The following NEK5 variants were observed in gnomAD, a reference collection of about 807,000 sequenced individuals.
NEK5 encodes serine/threonine-protein kinase Nek5.
Under a neutral mutation model 109.2 loss-of-function variants are expected in NEK5, and 88 were observed. The observed-to-expected ratio is 0.81, with a 90% CI of 0.68 to 0.96. The LOEUF is 0.96. Among genes scored for constraint, NEK5 ranks in the 40% least tolerant of loss-of-function variants. NEK5 has a pLI of 0.00. For synonymous variants in NEK5, 283 were observed against 299.9 expected, an observed-to-expected ratio of 0.94 and a Z score of 0.58; for missense variants, 834 against 920.7, an observed-to-expected ratio of 0.91 and a Z score of 1.22.
chr13:52,087,200 T>C (rs1955164760), intron 15 of NEK5, 138 bp downstream of exon 15: 2 of 501,000 alleles, frequency 4.0e-6, no homozygotes, highest in East Asian at 5.9e-5. Context: ...TACCTAACTC[T>C]GTATCCCCTA....
intron 20 of NEK5, among the ~76,000 whole-genome samples, chr13:52,067,812 C>A (rs1460833452): frequency 6.6e-6 from 1 of 151,952 alleles, no homozygotes; most frequent in Non-Finnish European, 1.5e-5. Context: ...GTGGCTCAGC[C>A]TCCCAAGTAG....
intron 23 of NEK5, among the ~76,000 whole-genome samples, chr13:52,041,304 ATT>A (rs1481458235): frequency 6.6e-6 from 1 of 152,210 alleles, no homozygotes; most frequent in Non-Finnish European, 1.5e-5. Context: ...AAGCATTTAA[ATT>A]TTTTAATTAT....
intron 19 of NEK5, among the ~76,000 whole-genome samples, chr13:52,073,379 G>A (rs1372108657): frequency 6.6e-6 from 1 of 150,414 alleles, no homozygotes. Context: ...GCAGTACAGT[G>A]ATCTCAGCTC....
chr13:52,037,928 A>G (rs1393041364), intron 23 of NEK5, among the ~76,000 whole-genome samples: 2 of 151,664 alleles, frequency 1.3e-5, no homozygotes, highest in Non-Finnish European at 2.9e-5. Context: ...GTCTCAAAAA[A>G]AAAAAATGTG....
chr13:52,063,198 G>A (rs958337351), intron 21 of NEK5, among the ~76,000 whole-genome samples: 1 of 152,170 alleles, frequency 6.6e-6, no homozygotes, highest in East Asian at 1.9e-4. Context: ...TCAGCCTGCC[G>A]AGTGCCCGTG....
chr13:52,045,092 G>A (rs1028483096), intron 23 of NEK5, among the ~76,000 whole-genome samples: 4 of 149,172 alleles, frequency 2.7e-5, no homozygotes, highest in East Asian at 2.0e-4. Flanking sequence ...GTATAAAAAC[G>A]TACCATAACA....
At chr13:52,076,040 C>A (rs746567809) in intron 18 of NEK5, 23 bp downstream of exon 18, 2 of 1,464,194 alleles carry the variant, frequency 1.4e-6, no homozygotes, top group East Asian at 4.6e-5. Flanking sequence ...AATATGGAAC[C>A]CAAAGACAAA....
At chr13:52,040,443 T>C (rs568313068) in intron 23 of NEK5, among the ~76,000 whole-genome samples, 1 of 152,284 alleles carries the variant, frequency 6.6e-6, no homozygotes, top group South Asian at 2.1e-4. Context: ...AGTATATTTC[T>C]GATATTTTTG....
chr13:52,045,248 G>A (rs1318928705), intron 23 of NEK5, among the ~76,000 whole-genome samples: 1 of 145,602 alleles, frequency 6.9e-6, no homozygotes, highest in East Asian at 2.1e-4. Flanking sequence ...TCCTGACTCA[G>A]CCTGCCGAGT....
intron 12 of NEK5, among the ~76,000 whole-genome samples, chr13:52,097,917 G>A (rs193148291): frequency 6.6e-6 from 1 of 152,048 alleles, no homozygotes; most frequent in Non-Finnish European, 1.5e-5. Flanking sequence ...TAGATTATGG[G>A]GACAGATTTC....
intron 23 of NEK5, among the ~76,000 whole-genome samples, chr13:52,047,817 T>C (rs764443092): frequency 1.3e-5 from 2 of 152,020 alleles, no homozygotes; most frequent in Non-Finnish European, 2.9e-5. Flanking sequence ...CACTCCAGCC[T>C]GGGCAACAGA....
chr13:52,037,549 C>T (rs1788377450), intron 23 of NEK5, among the ~76,000 whole-genome samples: 1 of 152,052 alleles, frequency 6.6e-6, no homozygotes, highest in Non-Finnish European at 1.5e-5. Context: ...GGTACTTATA[C>T]CATATTCCAC....
At chr13:52,043,485 C>T (rs1402904540) in intron 23 of NEK5, among the ~76,000 whole-genome samples, 2 of 142,682 alleles carry the variant, frequency 1.4e-5, no homozygotes, top group East Asian at 2.0e-4. Context: ...TGCAGTGAGC[C>T]GAGATCACAC....
At position 52,101,957 on chromosome 13, in the gene NEK5, G is replaced by A. The variant is rs762770734; in HGVS notation, c.868C>T (p.Arg290Ter). ...LICRAGAPAS[R>*]HAGKVVQKCK... ...CTCTGGACCACCTTCCCAGCATGTC[G>A]AGAAGCTGGCGCTCCTGCTCTGCAT... The change falls in exon 11 of 24, where the codon CGA becomes TGA. Residue 290 changes from arginine to a stop codon, truncating the protein, a stop_gained. Coordinates refer to ENST00000684899, the MANE Select transcript of NEK5 (RefSeq NM_001365552.1). LOFTEE classifies it high-confidence loss of function. 45 of 1,613,974 alleles carry A rather than the reference G, an allele frequency of 2.8e-5. No individual in the cohort carries two copies. The highest frequency in any genetic ancestry group is 3.3e-4 in the Middle Eastern group (2 of 6,062).
rs1315597664 is a variant in NEK5 at position 52,036,258 on chromosome 13, T to C, written c.*690A>G. ...CTCTTTTGTCTTCCTCTTCCACTTG[T>C]AAGGACCCTTGTGATTACACTGCAC... On this transcript the variant is annotated 3_prime_UTR_variant, in exon 24 of 24. Coordinates refer to ENST00000684899, the MANE Select transcript of NEK5 (RefSeq NM_001365552.1). The C allele has an allele frequency of 1.3e-5, 2 of 152,244 alleles. No individual in the cohort carries two copies. Among genetic ancestry groups the C allele is most frequent in the Non-Finnish European group, 2.9e-5 (2 of 68,076 alleles). 9.4% of individuals were successfully genotyped at this position (152,244 alleles called of 1,614,324 possible).
chr13:52,083,085 G>T (rs1955046417), intron 17 of NEK5, among the ~76,000 whole-genome samples, 175 bp downstream of exon 17: 1 of 152,056 alleles, frequency 6.6e-6, no homozygotes, highest in African/African-American at 2.4e-5. Flanking sequence ...GGCAGACACT[G>T]CAGTGAGCCA....
In NEK5 at chr13:52,086,405, A is replaced by C. The variant is rs749377884; in HGVS notation, c.1393-42T>G. The C allele has an allele frequency of 2.6e-6, 3 of 1,149,484 alleles. No individual in the cohort carries two copies. The South Asian group carries it at 3.8e-5, about 14-fold the overall frequency. The allele number at this position is 1,149,484 out of a possible 1,614,324, so 71.2% of individuals were successfully genotyped here. On this transcript the variant is annotated intron_variant, in intron 15 of 23. Transcript: ENST00000684899. The stretch of plus-strand genomic sequence containing the variant: ...ATCCAGAAACTTTAAATGTTTATGA[A>C]CACCATAACAAAAATAATCTTTCTG...
chr13:52,046,937 A>G (rs556449925), intron 23 of NEK5, among the ~76,000 whole-genome samples: 1 of 152,326 alleles, frequency 6.6e-6, no homozygotes, highest in Non-Finnish European at 1.5e-5. Context: ...CAAATTTTAA[A>G]AATGGCCCAT....
rs1358406483 is a variant in NEK5, at chr13:52,034,570, G to GTGA, written c.*2375_*2377dup. The GTGA allele has an allele frequency of 6.9e-6, 1 of 145,600 alleles. No individual in the cohort carries two copies. Among genetic ancestry groups the GTGA allele is most frequent in the African/African-American group, 2.6e-5 (1 of 38,906 alleles). The allele number at this position is 145,600 out of a possible 1,614,324, so 9.0% of individuals were successfully genotyped here. Reference sequence around the variant, plus strand: ...ACTCTGTCACTCAAGGTGGAGTGCAGTGATGTGATCACGGATTATGGCTCA... The same window carrying GTGA: ...ACTCTGTCACTCAAGGTGGAGTGCAGTGATGATGTGATCACGGATTATGGCTCA... On this transcript the variant is annotated 3_prime_UTR_variant, in exon 24 of 24. Transcript: ENST00000684899.
Sources: gnomAD v4.1 joint callset for allele counts (sites outside exome capture counted in the v4.1 genomes callset) on GRCh38, gnomAD v4.1.1 for gene constraint, MANE v1.5 for transcripts, NCBI Gene and HGNC (gene_info 2026-07-23, HGNC 2026-07-21) for gene names.